TMEM218: variants seen among roughly 807,000 people sequenced by gnomAD.
TMEM218 encodes transmembrane protein 218.
Under a neutral mutation model 10.0 loss-of-function variants are expected in TMEM218, and 8 were observed. That is an observed-to-expected ratio of 0.80 (90% CI 0.47 to 1.44). The LOEUF (loss-of-function observed/expected upper bound fraction) is 1.44, where lower values mean the gene tolerates loss of function less well. TMEM218 is among the 40% of genes most tolerant of loss of function. The pLI is 0.00. For synonymous variants in TMEM218, 66 were observed against 63.5 expected (o/e 1.04, Z -0.18); for missense variants, 110 against 140.1 (o/e 0.79, Z 1.08).
rs1952725955 is a variant in TMEM218, at chr11:125,108,081, T to C, written c.-153+3458A>G. On this transcript the variant is annotated intron_variant, in intron 1 of 4. Transcript: ENST00000682305. This position sits in a 1 kb window ranked among gnomAD's most constrained non-coding sequence, Gnocchi z 5.3. ...AACTTGAAAACGGATCCTAAATTCA[T>C]ATGGAAGAGCAAAAACCCAAGAATA... 6.6e-6 allele frequency among the ~76,000 whole-genome samples: 1 copy of C among 152,184 alleles called. No individual in the cohort carries two copies. Among genetic ancestry groups the C allele is most frequent in the East Asian group, 1.9e-4 (1 of 5,198 alleles).
chr11:125,101,963 A>G (rs528687575), intron 3 of TMEM218, 169 bp downstream of exon 3: 3 of 784,578 alleles, frequency 3.8e-6, no homozygotes, highest in African/African-American at 3.6e-5. Context: ...TCTCTGCTCC[A>G]GAGCATAAAT....
At position 125,102,205 on chromosome 11, in the gene TMEM218, A is replaced by G. The variant is rs1449000013; in HGVS notation, c.37T>C (p.Phe13Leu). 1.2e-6 allele frequency: 2 copies of G among 1,612,684 alleles called. No homozygotes were observed. Among genetic ancestry groups the G allele is most frequent in the Non-Finnish European group, 1.7e-6 (2 of 1,179,552 alleles). ...GCCACCCAGAGCAGGGCTAAGATGA[A>G]CACGCCCGCACCGACTCCGAGCACA... ...GTVLGVGAGV[F>L]ILALLWVAVL... Residue 13 changes from phenylalanine to leucine, a missense_variant, in exon 3 of 5, where the codon TTC becomes CTC. By Grantham distance (22) the Phe-to-Leu change is conservative. Coordinates refer to ENST00000682305, the MANE Select transcript of TMEM218 (RefSeq NM_001258244.2).
At chr11:125,104,146 G>A (rs1466116461) in intron 1 of TMEM218, 1 of 152,242 alleles carries the variant, frequency 6.6e-6, no homozygotes, top group African/African-American at 2.4e-5. Context: ...GAAATACTCT[G>A]CACAGGCACA....
Position 125,095,092 on chromosome 11 carries a change from G to A in TMEM218, c.*2514C>T, listed in dbSNP as rs1002009617. Among the ~76,000 whole-genome samples the A allele has an allele frequency of 6.6e-6, 1 of 152,202 alleles. No individual in the cohort carries two copies. Among genetic ancestry groups the A allele is most frequent in the Admixed American group, 6.5e-5 (1 of 15,284 alleles). ...AGGAACTTAACAAATTACCCATTGT[G>A]ATCTCCATTGTGGGGATAGGGTGGT... On this transcript the variant is annotated 3_prime_UTR_variant, in exon 5 of 5. Coordinates refer to ENST00000682305, the MANE Select transcript of TMEM218 (RefSeq NM_001258244.2).
intron 4 of TMEM218, among the ~76,000 whole-genome samples, chr11:125,098,340 C>G (rs1054345264): frequency 2.0e-5 from 3 of 152,302 alleles, no homozygotes; most frequent in African/African-American, 7.2e-5. Context: ...CCAAAGCAGA[C>G]AGTGGGCTGC....
chr11:125,106,297 A>AT (rs1952124746), intron 1 of TMEM218, among the ~76,000 whole-genome samples: 1 of 152,212 alleles, frequency 6.6e-6, no homozygotes, highest in South Asian at 2.1e-4. Context: ...CTATGAAGCA[A>AT]TATTAGTACC....
intron 1 of TMEM218, among the ~76,000 whole-genome samples, chr11:125,106,011 A>G (rs1233120345): frequency 1.3e-5 from 2 of 152,136 alleles, no homozygotes; most frequent in African/African-American, 2.4e-5. Flanking sequence ...AGAGGCTGAA[A>G]ATAAAGAGAT....
chr11:125,097,519 C>G lies in TMEM218; in HGVS notation c.*87G>C. The G allele has an allele frequency of 6.8e-7, 1 of 1,478,828 alleles. No homozygotes were observed. The highest frequency in any genetic ancestry group is 2.3e-5 in the East Asian group (1 of 43,432). 91.6% of individuals were successfully genotyped at this position (1,478,828 alleles called of 1,614,324 possible). ...TCTAACCTTAAGGCATGAGGGCTGT[C>G]AAAACAAGGCTCTGAATAGTGCCTT... On this transcript the variant is annotated 3_prime_UTR_variant, in exon 5 of 5. Transcript: ENST00000682305.
At chr11:125,097,841 T>A in intron 4 of TMEM218, 101 bp from the exon 5 acceptor site, 1 of 1,155,550 alleles carries the variant, frequency 8.7e-7, no homozygotes, top group Non-Finnish European at 1.2e-6. Context: ...AGTTCATGTG[T>A]ATAACTTCCA....
At position 125,097,139 on chromosome 11, in the gene TMEM218, G is replaced by A. The variant is rs1432976488; in HGVS notation, c.*467C>T. 6.6e-6 allele frequency: 1 copy of A among 152,338 alleles called. No individual in the cohort carries two copies. Among genetic ancestry groups the A allele is most frequent in the Non-Finnish European group, 1.5e-5 (1 of 68,144 alleles). The allele number at this position is 152,338 out of a possible 1,614,324, so 9.4% of individuals were successfully genotyped here. A position where few individuals can be genotyped will look rare whatever the true frequency, so the allele number is the denominator to read the frequency against. ...AGAGTGGTCAATGACCAACATCTGAGTAAGTCTTCCAAATTATCACATTAA... is the reference window on the plus strand; with the variant it reads ...AGAGTGGTCAATGACCAACATCTGAATAAGTCTTCCAAATTATCACATTAA... On this transcript the variant is annotated 3_prime_UTR_variant, in exon 5 of 5. Transcript: ENST00000682305.
Position 125,102,114 on chromosome 11 carries a change from T to C in TMEM218, c.110+18A>G. 6.5e-7 allele frequency: 1 copy of C among 1,532,246 alleles called. No individual in the cohort carries two copies. The highest frequency in any genetic ancestry group is 8.7e-7 in the Non-Finnish European group (1 of 1,143,966). The allele number at this position is 1,532,246 out of a possible 1,614,324, so 94.9% of individuals were successfully genotyped here. ...TAATTGCTTTACCTAGGACTCCCAG[T>C]TGGACAGAATGCCTTACCTCGCCGC... On this transcript the variant is annotated intron_variant, in intron 3 of 4. Coordinates refer to ENST00000682305, the MANE Select transcript of TMEM218 (RefSeq NM_001258244.2).
chr11:125,106,506 C>T (rs1022582375), intron 1 of TMEM218, among the ~76,000 whole-genome samples: 2 of 151,992 alleles, frequency 1.3e-5, no homozygotes, highest in Non-Finnish European at 2.9e-5. Flanking sequence ...GTCTCAGAAA[C>T]TGATAGATCA....
In TMEM218 at chr11:125,095,665, A is replaced by C. The variant is rs1261807432; in HGVS notation, c.*1941T>G. Among the ~76,000 whole-genome samples the C allele has an allele frequency of 1.3e-5, 2 of 151,928 alleles. No individual in the cohort carries two copies. Among genetic ancestry groups the C allele is most frequent in the Admixed American group, 1.3e-4 (2 of 15,268 alleles). ...TTTTCCTAAAGCCAATCTTTAACATATATGCCTTTCATTTACATCAGGCAA... is the reference window on the plus strand; with the variant it reads ...TTTTCCTAAAGCCAATCTTTAACATCTATGCCTTTCATTTACATCAGGCAA... On this transcript the variant is annotated 3_prime_UTR_variant, in exon 5 of 5. Transcript: ENST00000682305.
At chr11:125,103,973 C>T (rs755110431) in intron 1 of TMEM218, 18 of 152,318 alleles carry the variant, frequency 1.2e-4, no homozygotes, top group South Asian at 4.1e-4. Flanking sequence ...TAAAGCACTG[C>T]GCTACAAGCT....
chr11:125,107,756 A>C (rs759443240), intron 1 of TMEM218, among the ~76,000 whole-genome samples: 2 of 150,468 alleles, frequency 1.3e-5, no homozygotes, highest in African/African-American at 2.5e-5. Context: ...TATATTTCTG[A>C]ATATATTTTA....
chr11:125,099,545 ATG>A (rs1950299413), intron 4 of TMEM218, among the ~76,000 whole-genome samples: 1 of 152,198 alleles, frequency 6.6e-6, no homozygotes, highest in Admixed American at 6.5e-5. Context: ...GATTTCAAAA[ATG>A]TGTTTGCTCT....
At chr11:125,102,454 G>A in intron 2 of TMEM218, 137 bp from the exon 3 acceptor site, 2 of 1,482,862 alleles carry the variant, frequency 1.3e-6, no homozygotes, top group South Asian at 2.6e-5. Context: ...GTCCCTTAAT[G>A]GAAACTGGAA....
In TMEM218 at chr11:125,094,915, T is replaced by C. The variant is rs920317553; in HGVS notation, c.*2691A>G. Among the ~76,000 whole-genome samples the C allele has an allele frequency of 6.6e-6, 1 of 152,228 alleles. No homozygotes were observed. Among genetic ancestry groups the C allele is most frequent in the African/African-American group, 2.4e-5 (1 of 41,456 alleles). ...TTACACCCTACGGGCACACAATATA[T>C]GCTGAATGAATGGCAGGATTCGAGA... On this transcript the variant is annotated 3_prime_UTR_variant, in exon 5 of 5. Coordinates refer to ENST00000682305, the MANE Select transcript of TMEM218 (RefSeq NM_001258244.2).
At position 125,097,696 on chromosome 11, in the gene TMEM218, G is replaced by A; in HGVS notation, c.258C>T (p.Phe86=). 1 of 1,614,140 alleles carries A rather than the reference G, an allele frequency of 6.2e-7. No homozygotes were observed. The highest frequency in any genetic ancestry group is 8.5e-7 in the Non-Finnish European group (1 of 1,179,998). The change falls in exon 5 of 5, where the codon TTC becomes TTT. Residue 86 remains phenylalanine, a synonymous_variant. Transcript: ENST00000682305. ...FFIGRYVLLA[F]LSAIFLGGLF... is the part of the protein sequence containing the mutation. ...GGCCTCCAAGGAAGATGGCACTAAG[G>A]AAAGCCAGCAGGACATAGCGGCCAA...
Sources: allele counts gnomAD v4.1 joint callset (sites outside exome capture counted in the v4.1 genomes callset), GRCh38; gene constraint gnomAD v4.1.1; non-coding constraint Gnocchi (gnomAD v3.1); transcripts MANE v1.5; gene names NCBI Gene and HGNC (gene_info 2026-07-23, HGNC 2026-07-21).